Variants in UTRN observed in about 807,000 individuals in gnomAD.
UTRN encodes the protein dystrophin-related protein 1.
In UTRN, 283 loss-of-function variants were observed where a neutral mutation model predicts 463.9. The observed-to-expected ratio is 0.61, with a 90% confidence interval of 0.55 to 0.67. UTRN has a LOEUF of 0.67. Ranked by LOEUF, UTRN falls within the 30% of genes least tolerant of loss-of-function variation. The pLI, the probability that UTRN is intolerant of heterozygous loss-of-function variation, is 0.00. For missense variants in UTRN, 3,922 were observed against 4,084.3 expected, an observed-to-expected ratio of 0.96 and a Z score of 1.08; for synonymous variants, 1,442 against 1,431.5, an observed-to-expected ratio of 1.01 and a Z score of -0.17.
chr6:144,759,629 C>T (rs1388165234), intron 58 of UTRN, among the ~76,000 whole-genome samples: 1 of 152,060 alleles, frequency 6.6e-6, no homozygotes, highest in Non-Finnish European at 1.5e-5. Flanking sequence ...CTGGATTATC[C>T]TGATGGGCTT....
chr6:144,844,673 G>GTTCTT (rs1781873977), intron 73 of UTRN, among the ~76,000 whole-genome samples: 1 of 152,140 alleles, frequency 6.6e-6, no homozygotes, highest in African/African-American at 2.4e-5. Flanking sequence ...GGATTCATTT[G>GTTCTT]TTCTTTTGTC....
chr6:144,477,779 T>C (rs1377052057), intron 25 of UTRN, among the ~76,000 whole-genome samples: 1 of 152,196 alleles, frequency 6.6e-6, no homozygotes, highest in Non-Finnish European at 1.5e-5. Flanking sequence ...TGATGGCATG[T>C]GCCTTAAGGA....
intron 49 of UTRN, among the ~76,000 whole-genome samples, chr6:144,555,927 A>G (rs1799340642): frequency 6.6e-6 from 1 of 152,256 alleles, no homozygotes; most frequent in Non-Finnish European, 1.5e-5. Flanking sequence ...TGAACAAATC[A>G]GATAAGTAAG....
chr6:144,342,566 A>G (rs1382850417), intron 2 of UTRN, among the ~76,000 whole-genome samples: 1 of 152,204 alleles, frequency 6.6e-6, no homozygotes, highest in Non-Finnish European at 1.5e-5. Context: ...CCCATACATA[A>G]TACAACATGC....
chr6:144,814,366 A>G (rs747519884), intron 65 of UTRN, among the ~76,000 whole-genome samples: 1 of 152,138 alleles, frequency 6.6e-6, no homozygotes, highest in Non-Finnish European at 1.5e-5. Flanking sequence ...TGAGAGATAA[A>G]TCTCTGCTGT....
chr6:144,460,782 C>A (rs539562311), intron 21 of UTRN, among the ~76,000 whole-genome samples: 3 of 152,276 alleles, frequency 2.0e-5, no homozygotes, highest in Non-Finnish European at 4.4e-5. Flanking sequence ...TCCATATAAT[C>A]TCCTCCACTC....
chr6:144,555,041 T>A, intron 49 of UTRN, 148 bp downstream of exon 49: 1 of 1,066,162 alleles, frequency 9.4e-7, no homozygotes, highest in Non-Finnish European at 1.3e-6. Context: ...AAGAATTTGA[T>A]CTGGAAGATT....
intron 35 of UTRN, among the ~76,000 whole-genome samples, chr6:144,512,083 A>G (rs1795224950): frequency 6.6e-6 from 1 of 152,152 alleles, no homozygotes; most frequent in South Asian, 2.1e-4. Flanking sequence ...TCCATGACTT[A>G]TTATCTGTTT....
intron 3 of UTRN, among the ~76,000 whole-genome samples, chr6:144,410,711 A>G (rs1324311779): frequency 1.3e-5 from 2 of 152,106 alleles, no homozygotes; most frequent in Non-Finnish European, 2.9e-5. Context: ...CACTTAGAAT[A>G]ATGGTCTCCA....
intron 6 of UTRN, among the ~76,000 whole-genome samples, chr6:144,425,713 A>G (rs1785237616): frequency 1.3e-5 from 2 of 152,122 alleles, no homozygotes; most frequent in African/African-American, 2.4e-5. Context: ...TCAGTGTTCA[A>G]GTCATCCTAG....
intron 58 of UTRN, among the ~76,000 whole-genome samples, chr6:144,763,316 T>C (rs1048170963): frequency 1.3e-4 from 20 of 152,294 alleles, no homozygotes; most frequent in Admixed American, 1.1e-3. Context: ...CCTCAATTTG[T>C]TACATCTCTC....
chr6:144,485,485 C>T lies in UTRN; in HGVS notation c.3788C>T (p.Pro1263Leu), dbSNP rs1369571443. 7.4e-6 allele frequency: 12 copies of T among 1,614,096 alleles called. No homozygotes were observed. Among genetic ancestry groups the T allele is most frequent in the Non-Finnish European group, 1.0e-5 (12 of 1,180,020 alleles). ...EERMKSTEVLPEKTDAVNEAL... is the reference protein window; with the variant it reads ...EERMKSTEVLLEKTDAVNEAL... ...CGGATGAAGAGCACAGAGGTCCTGC[C>T]TGAGAAGACGGATGCTGTCAACGAA... The change falls in exon 28 of 75, where the codon CCT becomes CTT. Residue 1263 changes from proline to leucine, a missense_variant. This residue lies in a region of UTRN where 2,349 missense variants were observed against 2,303.8 expected (regional missense o/e 1.02). Coordinates refer to ENST00000367545, the MANE Select transcript of UTRN (RefSeq NM_007124.3).
chr6:144,409,138 C>T (rs1783666434), intron 3 of UTRN, among the ~76,000 whole-genome samples: 1 of 152,274 alleles, frequency 6.6e-6, no homozygotes, highest in African/African-American at 2.4e-5. Flanking sequence ...CACCAGCTTC[C>T]AGATACTTTG....
At chr6:144,727,456 T>G (rs1787990291) in intron 53 of UTRN, among the ~76,000 whole-genome samples, 1 of 152,176 alleles carries the variant, frequency 6.6e-6, no homozygotes. Flanking sequence ...CACAGCATTT[T>G]AAGAATCTTT....
chr6:144,637,247 G>GC (rs1395598039), intron 51 of UTRN, among the ~76,000 whole-genome samples: 2 of 152,206 alleles, frequency 1.3e-5, no homozygotes, highest in African/African-American at 4.8e-5. Context: ...TGGGATTACA[G>GC]GCGTGAGCCA....
intron 2 of UTRN, among the ~76,000 whole-genome samples, chr6:144,359,386 T>A (rs1028191954): frequency 1.5e-4 from 23 of 152,230 alleles, no homozygotes; most frequent in Non-Finnish European, 2.9e-4. Context: ...ATGAGTGCAG[T>A]GTAAATACTT....
At chr6:144,540,785 A>T (rs1266020489) in intron 45 of UTRN, among the ~76,000 whole-genome samples, 1 of 152,216 alleles carries the variant, frequency 6.6e-6, no homozygotes. Flanking sequence ...CTCAGTCACC[A>T]TTAGCAGCTT....
chr6:144,601,124 A>G (rs139725727), intron 51 of UTRN, among the ~76,000 whole-genome samples: 26 of 152,368 alleles, frequency 1.7e-4, no homozygotes, highest in African/African-American at 4.6e-4. Context: ...TGTACTGGTC[A>G]ACCAAGAGCT....
At chr6:144,846,405 C>T (rs1300037821) in intron 73 of UTRN, among the ~76,000 whole-genome samples, 1 of 152,170 alleles carries the variant, frequency 6.6e-6, no homozygotes, top group African/African-American at 2.4e-5. Flanking sequence ...AGGCAGAAAC[C>T]AAAGACTTAT....
Sources: gnomAD v4.1 joint callset for allele counts (sites outside exome capture counted in the v4.1 genomes callset) on GRCh38, gnomAD v4.1.1 for gene constraint, gnomAD v4.1.1 regional missense constraint, MANE v1.5 for transcripts, NCBI Gene and HGNC (gene_info 2026-07-23, HGNC 2026-07-21) for gene names.